The following TECTA variants were observed in gnomAD, a reference collection of about 807,000 sequenced individuals.
TECTA encodes the protein tectorin alpha.
TECTA carries 128 observed loss-of-function variants against 216.8 expected under a neutral mutation model. The ratio of observed to expected loss-of-function variants is 0.59; its 90% CI spans 0.51 to 0.68. The LOEUF is 0.68. Ranked by LOEUF, TECTA falls within the 30% of genes least tolerant of loss-of-function variation. The pLI, the probability that TECTA is intolerant of heterozygous loss-of-function variation, is 0.00. For synonymous variants in TECTA, 1,089 were observed against 1,117.1 expected, an observed-to-expected ratio of 0.97 and a Z score of 0.50; for missense variants, 2,551 against 2,786.2, an observed-to-expected ratio of 0.92 and a Z score of 1.90.
chr11:121,168,419 G>A (rs1565536267), intron 19 of TECTA: 8 of 858,126 alleles, frequency 9.3e-6, no homozygotes, highest in Non-Finnish European at 1.5e-5. Context: ...TGTTTAATGT[G>A]GTGGCTACAT....
chr11:121,189,953 C>G lies in TECTA; in HGVS notation c.6367+73C>G, dbSNP rs1288441615. On this transcript the variant is annotated intron_variant, in intron 23 of 23. Coordinates refer to ENST00000392793, the MANE Select transcript of TECTA (RefSeq NM_005422.4). ...TTCTTTACCACCAGAAGGAGAAATTCAGATTTGAAGGCCACTCGGTCAGCA... is the reference window on the plus strand; with the variant it reads ...TTCTTTACCACCAGAAGGAGAAATTGAGATTTGAAGGCCACTCGGTCAGCA... The G allele has an allele frequency of 9.1e-6, 12 of 1,320,308 alleles. No homozygotes were observed. In the Admixed American group the frequency reaches 1.9e-4, roughly 20 times the overall value. 81.8% of individuals were successfully genotyped at this position (1,320,308 alleles called of 1,614,324 possible). A position where few individuals can be genotyped will look rare whatever the true frequency, so the allele number is the denominator to read the frequency against.
At chr11:121,190,480 G>A (rs953155453) in intron 23 of TECTA, among the ~76,000 whole-genome samples, 1 of 152,186 alleles carries the variant, frequency 6.6e-6, no homozygotes, top group Non-Finnish European at 1.5e-5. Flanking sequence ...GGCCAGGCTG[G>A]TCTCAAACTC....
At chr11:121,168,272 G>A (rs1257787127) in intron 19 of TECTA, 55 bp downstream of exon 19, 1 of 1,609,824 alleles carries the variant, frequency 6.2e-7, no homozygotes, top group African/African-American at 1.3e-5. Context: ...GACAGTTAAG[G>A]TTAGCATAAT....
Position 121,125,582 on chromosome 11 carries a change from C to T in TECTA, c.1484C>T (p.Ala495Val), listed in dbSNP as rs571286523. ...DLGESWRVYH[A>V]DWKCDSGCVD... is the part of the protein sequence containing the mutation. The stretch of plus-strand genomic sequence containing the variant: ...GGAGAGAGCTGGCGTGTGTACCACG[C>T]AGACTGGAAGTGCGACTCCGGCTGC... Residue 495 changes from alanine (A) to valine (V), a missense_variant, in exon 8 of 24, where the codon GCA becomes GTA. Physicochemically the swap from Ala to Val is moderately conservative, Grantham distance 64. Coordinates refer to ENST00000392793, the MANE Select transcript of TECTA (RefSeq NM_005422.4). 27 of 1,614,074 alleles carry T rather than the reference C, an allele frequency of 1.7e-5. No homozygotes were observed. Among genetic ancestry groups the T allele is most frequent in the Middle Eastern group, 3.3e-4 (2 of 6,062 alleles).
intron 12 of TECTA, among the ~76,000 whole-genome samples, chr11:121,151,263 G>A (rs1013738683): frequency 6.6e-6 from 1 of 152,174 alleles, no homozygotes; most frequent in Non-Finnish European, 1.5e-5. Context: ...CAACTTAGCG[G>A]CATTCATACC....
intron 2 of TECTA, among the ~76,000 whole-genome samples, chr11:121,103,433 C>T (rs1946364511): frequency 6.6e-6 from 1 of 152,104 alleles, no homozygotes; most frequent in Non-Finnish European, 1.5e-5. Flanking sequence ...CTGAGATGAA[C>T]ACGTCAAGCC....
At position 121,189,282 on chromosome 11, in the gene TECTA, A is replaced by T. The variant is rs1198845790; in HGVS notation, c.6250+115A>T. ...GGACAAGGAGGCTGGTGTTGGGGAC[A>T]CCGGTTTGAGAACATCACCTGCTTC... On this transcript the variant is annotated intron_variant, in intron 22 of 23. Coordinates refer to ENST00000392793, the MANE Select transcript of TECTA (RefSeq NM_005422.4). The T allele has an allele frequency of 3.0e-6, 3 of 1,011,488 alleles. No individual in the cohort carries two copies. The African/African-American group carries it at 4.8e-5, about 16-fold the overall frequency. The allele number at this position is 1,011,488 out of a possible 1,614,324, so 62.7% of individuals were successfully genotyped here.
intron 2 of TECTA, among the ~76,000 whole-genome samples, chr11:121,104,012 G>C (rs778930784): frequency 6.0e-4 from 92 of 152,176 alleles, no homozygotes; most frequent in Non-Finnish European, 1.1e-3. Context: ...TCCTCCATGC[G>C]GTATTATGGG....
intron 20 of TECTA, among the ~76,000 whole-genome samples, chr11:121,174,816 G>T (rs907827701): frequency 2.0e-5 from 3 of 152,092 alleles, no homozygotes; most frequent in Non-Finnish European, 1.5e-5. Context: ...GAATCCATCT[G>T]GTCCTGGACT....
intron 13 of TECTA, among the ~76,000 whole-genome samples, chr11:121,154,982 C>T (rs111916542): frequency 3.3e-5 from 5 of 152,298 alleles, no homozygotes; most frequent in African/African-American, 1.2e-4. Flanking sequence ...ACAGTGCAAA[C>T]ATTATGAGCA....
intron 20 of TECTA, among the ~76,000 whole-genome samples, chr11:121,175,351 C>T (rs11218182): frequency 0.26 from 38,702 of 151,454 alleles, 5,981 homozygotes; most frequent in African/African-American, 0.43. Flanking sequence ...TTTCCCTCTA[C>T]ACACTGCTTT....
chr11:121,179,178 T>G (rs1947200569), intron 20 of TECTA, among the ~76,000 whole-genome samples: 1 of 152,166 alleles, frequency 6.6e-6, no homozygotes, highest in South Asian at 2.1e-4. Context: ...CAATAAATTT[T>G]CCTCTTAGCA....
intron 3 of TECTA, among the ~76,000 whole-genome samples, chr11:121,106,774 C>T (rs1946394535): frequency 6.6e-6 from 1 of 152,174 alleles, no homozygotes; most frequent in Admixed American, 6.5e-5. Context: ...TTTATGGCTC[C>T]GGGATGATTC....
chr11:121,104,380 G>A (rs577362153), intron 2 of TECTA, among the ~76,000 whole-genome samples: 171 of 152,166 alleles, frequency 1.1e-3, no homozygotes, highest in African/African-American at 3.9e-3. Flanking sequence ...CCTATGACCC[G>A]ACACAGCGCC....
At chr11:121,128,408 T>C (rs1946638531) in intron 9 of TECTA, 64 bp downstream of exon 9, 2 of 1,525,126 alleles carry the variant, frequency 1.3e-6, no homozygotes, top group Non-Finnish European at 1.8e-6. Flanking sequence ...GAGCTCGCCA[T>C]CCTCTTCAGG....
rs534504416 is a variant in TECTA at position 121,105,023 on chromosome 11, A to G, written c.65-808A>G. Among the ~76,000 whole-genome samples, 1 of 152,320 alleles carries G rather than the reference A, an allele frequency of 6.6e-6. No individual in the cohort carries two copies. The highest frequency in any genetic ancestry group is 2.1e-4 in the South Asian group (1 of 4,816). ...CTAGGGAACTTGTCTCATTTCTCCC[A>G]CAAAACTGAGCCACATCTTGCAACA... On this transcript the variant is annotated intron_variant, in intron 2 of 23. Transcript: ENST00000392793. The surrounding 1 kb of genome is among the most constrained non-coding windows in gnomAD (Gnocchi z 5.3).
rs3222565 is a variant in TECTA, at chr11:121,178,517, AGTGTGTGTGTGT to A, written c.6000-9281_6000-9270del. Among the ~76,000 whole-genome samples the A allele has an allele frequency of 6.0e-3, 758 of 127,270 alleles. 4 individuals carry two copies. The highest frequency in any genetic ancestry group is 8.5e-3 in the Non-Finnish European group (509 of 60,010). The allele number at this position is 127,270 out of a possible 152,430, so 83.5% of individuals were successfully genotyped here. Reference sequence around the variant, plus strand: ...TATGTTTAGATATTGGCTTGTAGTTAGTGTGTGTGTGTGTGTGTGTGTGTGTGTGTGTGTGTG... The same window carrying A: ...TATGTTTAGATATTGGCTTGTAGTTAGTGTGTGTGTGTGTGTGTGTGTGTG... On this transcript the variant is annotated intron_variant, in intron 20 of 23. Coordinates refer to ENST00000392793, the MANE Select transcript of TECTA (RefSeq NM_005422.4).
At chr11:121,177,074 G>T (rs530440303) in intron 20 of TECTA, among the ~76,000 whole-genome samples, 5 of 152,026 alleles carry the variant, frequency 3.3e-5, no homozygotes, top group African/African-American at 1.2e-4. Flanking sequence ...TTATACATTC[G>T]TCTAAATTTT....
At chr11:121,117,524 A>G (rs766631253) in intron 6 of TECTA, among the ~76,000 whole-genome samples, 1 of 152,250 alleles carries the variant, frequency 6.6e-6, no homozygotes, top group African/African-American at 2.4e-5. Flanking sequence ...CCAAAGAAAT[A>G]ATAGTGTTTT....
Sources: allele counts gnomAD v4.1 joint callset (sites outside exome capture counted in the v4.1 genomes callset), GRCh38; gene constraint gnomAD v4.1.1; non-coding constraint Gnocchi (gnomAD v3.1); transcripts MANE v1.5; gene names NCBI Gene and HGNC (gene_info 2026-07-23, HGNC 2026-07-21).